The following STX18 variants were observed in gnomAD, a reference collection of about 807,000 sequenced individuals.
The protein encoded by STX18 is syntaxin-18.
In STX18, 40 loss-of-function variants were observed where a neutral mutation model predicts 50.1. That is an observed-to-expected ratio of 0.80 (90% CI 0.62 to 1.04). STX18 has a LOEUF of 1.04. Among genes scored for constraint, STX18 ranks in the 50% least tolerant of loss-of-function variants. The pLI is 0.00. For missense variants in STX18, 410 were observed against 415.8 expected, an observed-to-expected ratio of 0.99 and a Z score of 0.12; for synonymous variants, 158 against 151.8, an observed-to-expected ratio of 1.04 and a Z score of -0.30.
chr4:4,521,742 T>C (rs1730519466), intron 1 of STX18, among the ~76,000 whole-genome samples: 1 of 152,202 alleles, frequency 6.6e-6, no homozygotes, highest in South Asian at 2.1e-4. Flanking sequence ...ATCTGTTTAA[T>C]ATTACAAGCC....
chr4:4,487,748 T>C (rs936686439), intron 1 of STX18, among the ~76,000 whole-genome samples: 1 of 152,278 alleles, frequency 6.6e-6, no homozygotes, highest in East Asian at 1.9e-4. Context: ...AGCAAAAAAA[T>C]GTATTTATAC....
At chr4:4,461,756 G>A (rs1560175735) in intron 2 of STX18, 3 of 417,984 alleles carry the variant, frequency 7.2e-6, no homozygotes, top group Non-Finnish European at 1.5e-5. Flanking sequence ...CGGGGGGAAT[G>A]CTTATTCCCT....
chr4:4,438,853 G>T (rs1044262918), intron 5 of STX18, among the ~76,000 whole-genome samples: 12 of 151,830 alleles, frequency 7.9e-5, no homozygotes, highest in African/African-American at 2.7e-4. Flanking sequence ...TGCTTACCCA[G>T]TAGTTGACAC....
Position 4,420,344 on chromosome 4 carries a change from C to A in STX18, c.913-215G>T. ...GTTTGGCCATCATTTGGGTCCTGCA[C>A]AATTCTCCCTCAACACAACTCTCGG... On this transcript the variant is annotated intron_variant, in intron 10 of 10. Coordinates refer to ENST00000306200, the MANE Select transcript of STX18 (RefSeq NM_016930.4). The surrounding 1 kb of genome is among the most constrained non-coding windows in gnomAD (Gnocchi z 4.3). 1.8e-6 allele frequency: 1 copy of A among 545,010 alleles called. No homozygotes were observed. The highest frequency in any genetic ancestry group is 3.3e-6 in the Non-Finnish European group (1 of 302,314). The allele number at this position is 545,010 out of a possible 1,614,324, so 33.8% of individuals were successfully genotyped here.
chr4:4,490,967 C>T (rs922347621), intron 1 of STX18, among the ~76,000 whole-genome samples: 3 of 152,004 alleles, frequency 2.0e-5, no homozygotes, highest in African/African-American at 7.2e-5. Flanking sequence ...AAATAAAAAC[C>T]CACAAAAACT....
intron 2 of STX18, among the ~76,000 whole-genome samples, chr4:4,461,639 G>A (rs969320176): frequency 3.3e-5 from 5 of 152,200 alleles, no homozygotes; most frequent in Admixed American, 2.0e-4. Flanking sequence ...TGGGAGGGCA[G>A]AAGAGTAAAA....
intron 1 of STX18, among the ~76,000 whole-genome samples, chr4:4,504,360 T>C (rs1377238927): frequency 6.6e-6 from 1 of 152,194 alleles, no homozygotes; most frequent in Non-Finnish European, 1.5e-5. Flanking sequence ...TGCTTATCAG[T>C]AAAAACAGGG....
intron 7 of STX18, among the ~76,000 whole-genome samples, chr4:4,429,588 G>A (rs1487617891): frequency 6.6e-6 from 1 of 152,190 alleles, no homozygotes; most frequent in Non-Finnish European, 1.5e-5. Context: ...TCTTCCAGAC[G>A]TGCTTTCTCT....
intron 5 of STX18, among the ~76,000 whole-genome samples, chr4:4,445,036 C>T (rs1019357258): frequency 2.6e-5 from 4 of 152,136 alleles, no homozygotes; most frequent in Admixed American, 6.5e-5. Context: ...AAATAAAAGG[C>T]ATAAAGATTA....
intron 1 of STX18, among the ~76,000 whole-genome samples, chr4:4,517,166 C>A (rs1033977462): frequency 2.0e-5 from 3 of 152,174 alleles, no homozygotes; most frequent in African/African-American, 7.2e-5. Context: ...TCTGAACCAG[C>A]GGTATTGGGG....
At position 4,471,619 on chromosome 4, in the gene STX18, G is replaced by T; in HGVS notation, c.236+20C>A. The T allele has an allele frequency of 6.6e-7, 1 of 1,506,992 alleles. No individual in the cohort carries two copies. The highest frequency in any genetic ancestry group is 8.9e-7 in the Non-Finnish European group (1 of 1,122,594). 93.4% of individuals were successfully genotyped at this position (1,506,992 alleles called of 1,614,324 possible). On this transcript the variant is annotated intron_variant, in intron 2 of 10. Transcript: ENST00000306200. ...AAAGAACACAGTCACCAAAGTCCTG[G>T]TAAAAAAATATGTACTTACCTATAA...
At chr4:4,427,335 A>G (rs1195614042) in intron 7 of STX18, among the ~76,000 whole-genome samples, 1 of 152,212 alleles carries the variant, frequency 6.6e-6, no homozygotes, top group Non-Finnish European at 1.5e-5. Context: ...CTGACACAGA[A>G]TTGCTTATGG....
chr4:4,521,253 G>A (rs1475457309), intron 1 of STX18, among the ~76,000 whole-genome samples: 1 of 152,192 alleles, frequency 6.6e-6, no homozygotes, highest in African/African-American at 2.4e-5. Context: ...ATGGGGTACA[G>A]GCCGATCTGC....
At position 4,434,769 on chromosome 4, in the gene STX18, C is replaced by T. The variant is rs778468134; in HGVS notation, c.702+1G>A. ...AATAATTAGGCAGAGAATAGCATTA[C>T]CATTTGTATTTCTTCTGGGGATAAC... On this transcript the variant is annotated splice_donor_variant, in intron 7 of 10. Transcript: ENST00000306200. LOFTEE classifies it high-confidence loss of function. The T allele has an allele frequency of 1.2e-6, 2 of 1,603,054 alleles. No homozygotes were observed. The highest frequency in any genetic ancestry group is 2.7e-5 in the African/African-American group (2 of 74,338).
At chr4:4,423,678 C>T (rs938038692) in intron 8 of STX18, 91 bp from the exon 9 acceptor site, 17 of 1,294,684 alleles carry the variant, frequency 1.3e-5, no homozygotes, top group South Asian at 7.4e-5. Flanking sequence ...CTATCTTCTA[C>T]GTGAAGGTGG....
chr4:4,483,128 T>C (rs761043629), intron 1 of STX18, among the ~76,000 whole-genome samples: 3 of 152,186 alleles, frequency 2.0e-5, no homozygotes, highest in Non-Finnish European at 4.4e-5. Context: ...GCATGGGTGG[T>C]TAACACTAGG....
chr4:4,462,195 A>T (rs1371149931), intron 2 of STX18, among the ~76,000 whole-genome samples: 1 of 152,144 alleles, frequency 6.6e-6, no homozygotes, highest in Non-Finnish European at 1.5e-5. Context: ...CTCTGGCAGG[A>T]AACAGAGGTG....
chr4:4,476,070 T>A (rs1228822625), intron 1 of STX18: 1 of 152,244 alleles, frequency 6.6e-6, no homozygotes, highest in Non-Finnish European at 1.5e-5. Context: ...TAAAATCTAC[T>A]AAGACTGGGC....
chr4:4,443,794 TCATTG>T (rs1444358988), intron 5 of STX18, among the ~76,000 whole-genome samples: 7 of 152,202 alleles, frequency 4.6e-5, no homozygotes, highest in Non-Finnish European at 5.9e-5. Context: ...GCCTATATGA[TCATTG>T]CATTAGATGT....
Sources: gnomAD v4.1 joint callset for allele counts (sites outside exome capture counted in the v4.1 genomes callset) on GRCh38, gnomAD v4.1.1 for gene constraint, Gnocchi (gnomAD v3.1) non-coding constraint, MANE v1.5 for transcripts, NCBI Gene and HGNC (gene_info 2026-07-23, HGNC 2026-07-21) for gene names.